Variants in SLC25A17 observed in about 807,000 individuals in gnomAD.
The protein encoded by SLC25A17 is peroxisomal membrane protein PMP34.
In SLC25A17, 26 loss-of-function variants were observed where a neutral mutation model predicts 38.5. That is an observed-to-expected ratio of 0.68 (90% CI 0.50 to 0.94). The LOEUF (loss-of-function observed/expected upper bound fraction) is 0.94. Ranked by LOEUF, SLC25A17 falls within the 40% of genes least tolerant of loss-of-function variation. The pLI is 0.00. For missense variants in SLC25A17, 333 were observed against 372.7 expected (o/e 0.89, Z 0.88); for synonymous variants, 139 against 136.2 (o/e 1.02, Z -0.14).
At chr22:40,819,038 T>C (rs1602639242) in intron 1 of SLC25A17, among the ~76,000 whole-genome samples, 157 bp downstream of exon 1, 1 of 152,050 alleles carries the variant, frequency 6.6e-6, no homozygotes, top group African/African-American at 2.4e-5. Context: ...CCAACAACTT[T>C]CCGCCAATGG....
chr22:40,780,086 G>A (rs1402258917), intron 4 of SLC25A17: 1 of 152,206 alleles, frequency 6.6e-6, no homozygotes, highest in African/African-American at 2.4e-5. Flanking sequence ...TCCTAAGGAA[G>A]AGAAGTCTTT....
intron 2 of SLC25A17, among the ~76,000 whole-genome samples, chr22:40,795,205 T>A (rs1019826616): frequency 3.3e-5 from 5 of 152,180 alleles, no homozygotes; most frequent in African/African-American, 1.2e-4. Context: ...CCACTGCAGA[T>A]CCCTTGCCCT....
intron 4 of SLC25A17, among the ~76,000 whole-genome samples, chr22:40,782,987 T>A (rs964717717): frequency 3.3e-5 from 5 of 152,220 alleles, no homozygotes; most frequent in African/African-American, 1.2e-4. Context: ...CTGTTCCTAG[T>A]TCTCCTTAGA....
At chr22:40,818,288 G>A (rs2057661618) in intron 1 of SLC25A17, among the ~76,000 whole-genome samples, 1 of 152,172 alleles carries the variant, frequency 6.6e-6, no homozygotes, top group Admixed American at 6.5e-5. Flanking sequence ...CAAGCCAAAA[G>A]TGGAAAGTTT....
intron 4 of SLC25A17, among the ~76,000 whole-genome samples, chr22:40,785,477 G>A (rs1256433761): frequency 6.6e-6 from 1 of 152,230 alleles, no homozygotes; most frequent in East Asian, 1.9e-4. Context: ...AGGAGGCAAA[G>A]GAGTTATCCA....
rs563307013 is a variant in SLC25A17, at chr22:40,805,511, T to A, written c.55-6428A>T. ...AGCTGGAAAAGGCAAGGAAATGGAT[T>A]ATCCCCTAGAGCACACATGTCCAAC... On this transcript the variant is annotated intron_variant, in intron 1 of 8. Coordinates refer to ENST00000435456, the MANE Select transcript of SLC25A17 (RefSeq NM_006358.4). Among the ~76,000 whole-genome samples, 213 of 152,284 alleles carry A rather than the reference T, an allele frequency of 1.4e-3. 4 individuals are homozygous for A. The South Asian group carries it at 0.044, about 31-fold the overall frequency.
chr22:40,776,371 C>A (rs533177113), intron 7 of SLC25A17: 15 of 449,662 alleles, frequency 3.3e-5, no homozygotes, highest in African/African-American at 2.0e-4. Flanking sequence ...TTCATTCCTC[C>A]TGAGTGAACT....
intron 1 of SLC25A17, among the ~76,000 whole-genome samples, chr22:40,807,097 T>G (rs2145699468): frequency 6.6e-6 from 1 of 152,358 alleles, no homozygotes; most frequent in East Asian, 1.9e-4. Context: ...TTTTTATAGC[T>G]GAGTGTTCCA....
chr22:40,770,958 T>C lies in SLC25A17; in HGVS notation c.800A>G (p.Tyr267Cys). The C allele has an allele frequency of 6.2e-7, 1 of 1,603,464 alleles. No homozygotes were observed. Among genetic ancestry groups the C allele is most frequent in the Non-Finnish European group, 8.5e-7 (1 of 1,173,124 alleles). Residue 267 changes from tyrosine (Y) to cysteine (C), a missense_variant, in exon 9 of 9, where the codon TAC (tyrosine) becomes TGC (cysteine). By Grantham distance (194) the Tyr-to-Cys change is radical. Coordinates refer to ENST00000435456, the MANE Select transcript of SLC25A17 (RefSeq NM_006358.4). The part of the protein sequence containing the change: ...RVRRFGIMGL[Y>C]KGLEAKLLQT... The stretch of plus-strand genomic sequence containing the variant: ...CAGCAGTTTGGCTTCAAGGCCTTTG[T>C]AGAGTCCCATTATTCCAAAACGTCT...
At position 40,798,999 on chromosome 22, in the gene SLC25A17, A is replaced by G. The variant is rs777498183; in HGVS notation, c.115+24T>C. On this transcript the variant is annotated intron_variant, in intron 2 of 8. Coordinates refer to ENST00000435456, the MANE Select transcript of SLC25A17 (RefSeq NM_006358.4). ...AATGTTTGCTTCCTGACACCATACA[A>G]ATAGGAGTATGATTTCTACTTACCC... is the stretch of plus-strand genomic sequence containing the variant. The G allele has an allele frequency of 6.6e-6, 10 of 1,525,670 alleles. No homozygotes were observed. In the East Asian group the frequency reaches 2.3e-4, roughly 34 times the overall value. 94.5% of individuals were successfully genotyped at this position (1,525,670 alleles called of 1,614,324 possible). A position where few individuals can be genotyped will look rare whatever the true frequency, so the allele number is the denominator to read the frequency against.
rs143033840 is a variant in SLC25A17 at position 40,817,010 on chromosome 22, T to C, written c.54+2185A>G. Among the ~76,000 whole-genome samples, 144 of 152,328 alleles carry C rather than the reference T, an allele frequency of 9.5e-4. 1 individual carries two copies. The highest frequency in any genetic ancestry group is 3.3e-3 in the African/African-American group (136 of 41,580). ...TGCACCTAGAACAGCGTGTGGCACATAGAATGCACTCAATAAAGGTGTTTA... is the reference window on the plus strand; with the variant it reads ...TGCACCTAGAACAGCGTGTGGCACACAGAATGCACTCAATAAAGGTGTTTA... On this transcript the variant is annotated intron_variant, in intron 1 of 8. Transcript: ENST00000435456.
chr22:40,774,108 T>C, intron 7 of SLC25A17, 89 bp from the exon 8 acceptor site: 1 of 751,252 alleles, frequency 1.3e-6, no homozygotes, highest in Non-Finnish European at 2.4e-6. Flanking sequence ...GTTGGAGTAG[T>C]ATCTTATAGC....
chr22:40,802,135 C>T (rs2057489787), intron 1 of SLC25A17, among the ~76,000 whole-genome samples: 1 of 152,106 alleles, frequency 6.6e-6, no homozygotes, highest in Admixed American at 6.6e-5. Flanking sequence ...CAGGGCATCT[C>T]CAGACAGAAA....
intron 1 of SLC25A17, among the ~76,000 whole-genome samples, chr22:40,799,355 A>G (rs1233625413): frequency 6.7e-6 from 1 of 148,938 alleles, no homozygotes; most frequent in Non-Finnish European, 1.5e-5. Context: ...CCAGGCTGGG[A>G]GTCACAACTT....
intron 1 of SLC25A17, among the ~76,000 whole-genome samples, chr22:40,815,637 C>T (rs543750933): frequency 2.0e-5 from 3 of 152,290 alleles, no homozygotes; most frequent in Non-Finnish European, 4.4e-5. Flanking sequence ...GGTCTTACTA[C>T]AACGTTCCAT....
Position 40,769,642 on chromosome 22 carries a change from GTTGTT to G in SLC25A17, c.*1187_*1191del, listed in dbSNP as rs1308592648. On this transcript the variant is annotated 3_prime_UTR_variant, in exon 9 of 9. Coordinates refer to ENST00000435456, the MANE Select transcript of SLC25A17 (RefSeq NM_006358.4). ...CATACGACTCCTAGATTTTTCAGAG[GTTGTT>G]TTAATACATTAATCTCTTTCCTTTG... 6.6e-6 allele frequency: 1 copy of G among 152,180 alleles called. No individual in the cohort carries two copies. Among genetic ancestry groups the G allele is most frequent in the Non-Finnish European group, 1.5e-5 (1 of 68,038 alleles). The allele number at this position is 152,180 out of a possible 1,614,324, so 9.4% of individuals were successfully genotyped here. A position where few individuals can be genotyped will look rare whatever the true frequency, so the allele number is the denominator to read the frequency against.
At chr22:40,776,157 A>T in intron 7 of SLC25A17, 2 of 303,588 alleles carry the variant, frequency 6.6e-6, no homozygotes, top group Admixed American at 5.0e-5. Context: ...TCTTTTTTCA[A>T]TTTGTAATTA....
intron 1 of SLC25A17, chr22:40,799,794 G>C (rs2057465614): frequency 6.6e-6 from 1 of 152,156 alleles, no homozygotes; most frequent in Admixed American, 6.5e-5. Flanking sequence ...TGCTTTAGTA[G>C]AAGTATTTAA....
chr22:40,779,253 A>G, intron 4 of SLC25A17, 128 bp from the exon 5 acceptor site: 1 of 1,538,046 alleles, frequency 6.5e-7, no homozygotes, highest in Non-Finnish European at 8.7e-7. Context: ...ACCTAAGGTA[A>G]GGTGTCTCTT....
Sources: gnomAD v4.1 joint callset for allele counts (sites outside exome capture counted in the v4.1 genomes callset) on GRCh38, gnomAD v4.1.1 for gene constraint, MANE v1.5 for transcripts, NCBI Gene and HGNC (gene_info 2026-07-23, HGNC 2026-07-21) for gene names.